The following TMEM62 variants were observed in gnomAD, a reference collection of about 807,000 sequenced individuals.
TMEM62 encodes the protein transmembrane protein 62.
In TMEM62, 41 loss-of-function variants were observed where a neutral mutation model predicts 70.4. The ratio of observed to expected loss-of-function variants is 0.58; its 90% CI spans 0.45 to 0.76. The LOEUF (loss-of-function observed/expected upper bound fraction) is 0.76, where lower values mean the gene tolerates loss of function less well. Ranked by LOEUF, TMEM62 falls within the 30% of genes least tolerant of loss-of-function variation. The probability of loss-of-function intolerance (pLI) is 0.00; values close to 1 mark genes in which losing one functional copy is unlikely to be tolerated. For missense variants in TMEM62, 688 were observed against 788.5 expected, an observed-to-expected ratio of 0.87 and a Z score of 1.53; for synonymous variants, 268 against 291.0, an observed-to-expected ratio of 0.92 and a Z score of 0.80.
intron 10 of TMEM62, among the ~76,000 whole-genome samples, chr15:43,164,047 A>T (rs2039085863): frequency 6.6e-6 from 1 of 152,212 alleles, no homozygotes; most frequent in Non-Finnish European, 1.5e-5. Context: ...TAGAACTTTA[A>T]AACAAAACAA....
chr15:43,159,206 A>G (rs1270616867), intron 9 of TMEM62, among the ~76,000 whole-genome samples: 1 of 152,248 alleles, frequency 6.6e-6, no homozygotes, highest in Non-Finnish European at 1.5e-5. Context: ...AAAATGGAGT[A>G]TCCACCCTCT....
chr15:43,133,360 C>T (rs1436584159), upstream of TMEM62: 1 of 160,874 alleles, frequency 6.2e-6, no homozygotes, highest in African/African-American at 2.4e-5. Context: ...TACAACAACC[C>T]TGCAAAGTGC....
At chr15:43,153,563 T>C (rs575937769) in intron 8 of TMEM62, among the ~76,000 whole-genome samples, 2 of 152,356 alleles carry the variant, frequency 1.3e-5, no homozygotes, top group East Asian at 3.9e-4. Context: ...GACTGGCTTA[T>C]TTTCATTTAA....
chr15:43,143,044 T>C (rs964924450), intron 4 of TMEM62, among the ~76,000 whole-genome samples: 1 of 151,908 alleles, frequency 6.6e-6, no homozygotes, highest in Non-Finnish European at 1.5e-5. Context: ...AAATAGACTA[T>C]AGTATGGTGT....
intron 10 of TMEM62, among the ~76,000 whole-genome samples, chr15:43,168,097 A>G (rs1297448497): frequency 1.4e-5 from 2 of 145,140 alleles, no homozygotes; most frequent in East Asian, 2.2e-4. Context: ...TCGGCTCGGC[A>G]TCAGAGGGAG....
chr15:43,167,928 C>T (rs971944451), intron 10 of TMEM62, among the ~76,000 whole-genome samples: 3 of 152,152 alleles, frequency 2.0e-5, no homozygotes, highest in African/African-American at 7.2e-5. Context: ...TGGAGACCAG[C>T]CCGGCCAACA....
At chr15:43,135,835 G>A (rs1253519380) in intron 3 of TMEM62, 186 bp downstream of exon 3, 1 of 580,228 alleles carries the variant, frequency 1.7e-6, no homozygotes, top group Admixed American at 3.8e-5. Flanking sequence ...CCTTTGAGAT[G>A]ACAATTGGTA....
At chr15:43,161,445 A>G (rs2038687957) in intron 10 of TMEM62, among the ~76,000 whole-genome samples, 1 of 150,752 alleles carries the variant, frequency 6.6e-6, no homozygotes, top group African/African-American at 2.4e-5. Context: ...GGCTTTTTAA[A>G]GAATATTTCT....
intron 4 of TMEM62, among the ~76,000 whole-genome samples, chr15:43,141,447 GA>G (rs2035993863): frequency 6.6e-6 from 1 of 152,216 alleles, no homozygotes; most frequent in South Asian, 2.1e-4. Context: ...CCACTATTGA[GA>G]ACTACTGCTC....
At chr15:43,164,699 G>A (rs1018959516) in intron 10 of TMEM62, among the ~76,000 whole-genome samples, 6 of 152,064 alleles carry the variant, frequency 3.9e-5, no homozygotes, top group African/African-American at 1.2e-4. Flanking sequence ...TCAGACTGAA[G>A]AACTTCCTTT....
At chr15:43,152,697 G>T (rs8030850) in intron 8 of TMEM62, among the ~76,000 whole-genome samples, 5,591 of 152,144 alleles carry the variant, frequency 0.037, 341 homozygotes, top group African/African-American at 0.12. Flanking sequence ...GCCTGGCCAT[G>T]AATTTGATTA....
chr15:43,165,614 T>G (rs986797905), intron 10 of TMEM62, among the ~76,000 whole-genome samples: 1 of 151,744 alleles, frequency 6.6e-6, no homozygotes, highest in Non-Finnish European at 1.5e-5. Flanking sequence ...GCACCTGTAG[T>G]CTCAGCTACT....
Position 43,133,918 on chromosome 15 carries a change from C to T in TMEM62, c.116C>T (p.Ala39Val). The change falls in exon 1 of 14, where the codon GCG becomes GTG. Residue 39 changes from alanine (A) to valine (V), a missense_variant. Transcript: ENST00000260403. ...CAGCCCTCGCCGCTGCCGCGCCCCG[C>T]GCCCCCCAGGAGGCCGCACCCTGCG... ...AGQPSPLPRP[A>V]PPRRPHPAPG... 1 of 1,494,654 alleles carries T rather than the reference C, an allele frequency of 6.7e-7. No individual in the cohort carries two copies. The allele number at this position is 1,494,654 out of a possible 1,614,324, so 92.6% of individuals were successfully genotyped here.
In TMEM62 at chr15:43,184,865, C is replaced by G; in HGVS notation, c.*279C>G. The G allele has an allele frequency of 2.1e-6, 1 of 477,948 alleles. No individual in the cohort carries two copies. Among genetic ancestry groups the G allele is most frequent in the South Asian group, 2.8e-5 (1 of 36,318 alleles). The allele number at this position is 477,948 out of a possible 1,614,324, so 29.6% of individuals were successfully genotyped here. A position where few individuals can be genotyped will look rare whatever the true frequency, so the allele number is the denominator to read the frequency against. On this transcript the variant is annotated 3_prime_UTR_variant, in exon 14 of 14. Coordinates refer to ENST00000260403, the MANE Select transcript of TMEM62 (RefSeq NM_024956.4). Reference sequence around the variant, plus strand: ...AAGAGAAAACCCTTATCTAGGACATCCACAGGGTAGAGGTTGGGTGTGTGT... The same window carrying G: ...AAGAGAAAACCCTTATCTAGGACATGCACAGGGTAGAGGTTGGGTGTGTGT...
intron 7 of TMEM62, 59 bp downstream of exon 7, chr15:43,149,210 T>C: frequency 3.8e-6 from 6 of 1,569,418 alleles, no homozygotes; most frequent in Non-Finnish European, 5.2e-6. Context: ...AAAGCAATGA[T>C]AGTTTTCTTA....
At position 43,154,721 on chromosome 15, in the gene TMEM62, G is replaced by A. The variant is rs2037827422; in HGVS notation, c.1072G>A (p.Asp358Asn). 1 of 1,613,730 alleles carries A rather than the reference G, an allele frequency of 6.2e-7. No homozygotes were observed. Among genetic ancestry groups the A allele is most frequent in the Non-Finnish European group, 8.5e-7 (1 of 1,179,902 alleles). ...CATTACTTCTGTCACAGTTAAGATT[G>A]ATGGAGTTCATTTAGGCCAGGCTGT... is the stretch of plus-strand genomic sequence containing the variant. ...SSITSVTVKI[D>N]GVHLGQAVHV... Residue 358 changes from aspartate to asparagine, a missense_variant, in exon 9 of 14, where the codon GAT becomes AAT. Asp to Asn is a conservative substitution (Grantham distance 23). Coordinates refer to ENST00000260403, the MANE Select transcript of TMEM62 (RefSeq NM_024956.4).
chr15:43,179,996 G>C (rs1015715976), intron 12 of TMEM62: 1 of 152,196 alleles, frequency 6.6e-6, no homozygotes, highest in Non-Finnish European at 1.5e-5. Context: ...CATTCAGAAA[G>C]TTGAAATCTG....
At chr15:43,162,624 G>A (rs1409269144) in intron 10 of TMEM62, among the ~76,000 whole-genome samples, 2 of 151,856 alleles carry the variant, frequency 1.3e-5, no homozygotes, top group Non-Finnish European at 2.9e-5. Context: ...TAGAGACGGG[G>A]TTTCGCCATG....
chr15:43,146,389 C>A, intron 4 of TMEM62, 104 bp from the exon 5 acceptor site: 1 of 1,090,876 alleles, frequency 9.2e-7, no homozygotes, highest in Non-Finnish European at 1.3e-6. Flanking sequence ...GTCAGATCAG[C>A]AAATCTCGTT....
Sources: allele counts gnomAD v4.1 joint callset (sites outside exome capture counted in the v4.1 genomes callset), GRCh38; gene constraint gnomAD v4.1.1; transcripts MANE v1.5; gene names NCBI Gene and HGNC (gene_info 2026-07-23, HGNC 2026-07-21).